SUMF1: variants seen among roughly 807,000 people sequenced by gnomAD.
The protein encoded by SUMF1 is formylglycine-generating enzyme.
Under a neutral mutation model 47.6 loss-of-function variants are expected in SUMF1, and 48 were observed. That is an observed-to-expected ratio of 1.01 (90% confidence interval 0.80 to 1.28). The LOEUF (loss-of-function observed/expected upper bound fraction) is 1.28. SUMF1 is among the 50% of genes most tolerant of loss of function. The pLI is 0.00. For missense variants in SUMF1, 571 were observed against 485.4 expected (o/e 1.18, Z -1.66); for synonymous variants, 230 against 192.1 (o/e 1.20, Z -1.63).
At chr3:4,318,275 G>C (rs895949771) in intron 8 of SUMF1, among the ~76,000 whole-genome samples, 2 of 151,858 alleles carry the variant, frequency 1.3e-5, no homozygotes, top group African/African-American at 4.8e-5. Context: ...TTTATCCCAG[G>C]AAAGCAAGAT....
intron 8 of SUMF1, chr3:4,303,746 C>A (rs183046961): frequency 1.1e-4 from 164 of 1,484,338 alleles, no homozygotes; most frequent in Non-Finnish European, 1.4e-4. Context: ...TCAGTCCATT[C>A]CCTGAAGCGC....
chr3:4,218,638 G>A (rs1352358554), intron 8 of SUMF1, among the ~76,000 whole-genome samples: 2 of 152,160 alleles, frequency 1.3e-5, no homozygotes, highest in Non-Finnish European at 2.9e-5. Flanking sequence ...GTGAATGCGG[G>A]CCAGGCCAGA....
chr3:4,248,404 A>G (rs1287053426), intron 8 of SUMF1, among the ~76,000 whole-genome samples: 1 of 152,206 alleles, frequency 6.6e-6, no homozygotes, highest in Non-Finnish European at 1.5e-5. Context: ...TCAAGACATC[A>G]CTTTTTTGTT....
chr3:4,127,959 T>C (rs1693694081), intron 8 of SUMF1, among the ~76,000 whole-genome samples: 1 of 152,122 alleles, frequency 6.6e-6, no homozygotes, highest in African/African-American at 2.4e-5. Context: ...TCATCGCTCA[T>C]GAAAGGCAAG....
At position 4,042,417 on chromosome 3, in the gene SUMF1, T is replaced by C. The variant is rs142421912; in HGVS notation, c.1191+26152A>G. Among the ~76,000 whole-genome samples the C allele has an allele frequency of 3.4e-4, 51 of 152,214 alleles. 2 individuals carry two copies. The East Asian group carries it at 9.1e-3, about 27-fold the overall frequency. Reference sequence around the variant, plus strand: ...GAGAGGATTCTCATATTCGTATACCTGACAAGAAACACTATCACAATGACT... The same window carrying C: ...GAGAGGATTCTCATATTCGTATACCCGACAAGAAACACTATCACAATGACT... On this transcript the variant is annotated intron_variant and NMD_transcript_variant, in intron 9 of 12. Transcript: ENST00000448413.
At chr3:4,271,465 C>CGA (rs1697299771) in intron 8 of SUMF1, among the ~76,000 whole-genome samples, 2 of 136,016 alleles carry the variant, frequency 1.5e-5, no homozygotes, top group South Asian at 5.0e-4. Flanking sequence ...TTTATACTAT[C>CGA]TATAGATAGA....
intron 8 of SUMF1, among the ~76,000 whole-genome samples, chr3:4,350,001 TC>T (rs1372230369): frequency 6.6e-6 from 1 of 151,658 alleles, no homozygotes; most frequent in African/African-American, 2.4e-5. Context: ...CGTATTATTT[TC>T]TTTTTTTTTT....
intron 8 of SUMF1, among the ~76,000 whole-genome samples, chr3:4,301,327 A>C (rs1322912819): frequency 6.6e-6 from 1 of 152,202 alleles, no homozygotes; most frequent in Admixed American, 6.5e-5. Flanking sequence ...AGCAAAAGAG[A>C]CCAAGGAAAT....
rs60832424 is a variant in SUMF1, at chr3:4,384,892, C to CT, written c.955-8504dup. 9.3e-3 allele frequency among the ~76,000 whole-genome samples: 1,305 copies of CT among 140,838 alleles called. 21 individuals carry two copies. The highest frequency in any genetic ancestry group is 0.029 in the African/African-American group (1,118 of 37,920). 92.4% of individuals were successfully genotyped at this position (140,838 alleles called of 152,430 possible). The stretch of plus-strand genomic sequence containing the variant: ...TACTTCATTTTCTTTTTTCTTTTTT[C>CT]TTTTTTTTTTTGAGAGGGTCTCTCG... On this transcript the variant is annotated intron_variant, in intron 7 of 8. Coordinates refer to ENST00000272902, the MANE Select transcript of SUMF1 (RefSeq NM_182760.4).
chr3:4,178,739 G>A (rs1486588099), intron 8 of SUMF1, among the ~76,000 whole-genome samples: 2 of 152,158 alleles, frequency 1.3e-5, no homozygotes, highest in Non-Finnish European at 2.9e-5. Flanking sequence ...TAGGAAATGA[G>A]GAAGCCAAAT....
chr3:4,390,485 G>T (rs1265413775), intron 7 of SUMF1, among the ~76,000 whole-genome samples: 5 of 152,124 alleles, frequency 3.3e-5, no homozygotes, highest in Admixed American at 3.3e-4. Context: ...TTGCTCCTTT[G>T]GCTAGAGAGA....
At chr3:4,408,834 C>A (rs1701454058) in intron 7 of SUMF1, among the ~76,000 whole-genome samples, 1 of 151,786 alleles carries the variant, frequency 6.6e-6, no homozygotes, top group Non-Finnish European at 1.5e-5. Flanking sequence ...AGCTGGGGGG[C>A]ACCTGTAATC....
chr3:4,410,569 A>G (rs1575187315), intron 7 of SUMF1, among the ~76,000 whole-genome samples: 1 of 152,202 alleles, frequency 6.6e-6, no homozygotes, highest in African/African-American at 2.4e-5. Context: ...TTTATATATC[A>G]TGCATGCTTT....
At position 4,039,208 on chromosome 3, in the gene SUMF1, AATTTTTT is replaced by A. The variant is rs1264597454; in HGVS notation, c.1191+29354_1191+29360del. 2.9e-3 allele frequency among the ~76,000 whole-genome samples: 133 copies of A among 46,194 alleles called. 2 individuals are homozygous for A. The highest frequency in any genetic ancestry group is 7.0e-3 in the Admixed American group (21 of 3,014). 30.3% of individuals were successfully genotyped at this position (46,194 alleles called of 152,430 possible). On this transcript the variant is annotated intron_variant and NMD_transcript_variant, in intron 9 of 12. Transcript: ENST00000448413. ...CAAGCATGCCTGAAACATCTATGCAAATTTTTTTTTTTTTTTTTTTTTTTTTATTATA... is the reference window on the plus strand; with the variant it reads ...CAAGCATGCCTGAAACATCTATGCAATTTTTTTTTTTTTTTTTTTATTATA...
At chr3:4,300,716 GGT>G (rs1697945829) in intron 8 of SUMF1, among the ~76,000 whole-genome samples, 1 of 152,102 alleles carries the variant, frequency 6.6e-6, no homozygotes, top group Admixed American at 6.5e-5. Flanking sequence ...CCTTGAAGTG[GGT>G]GTGAGTGAGA....
At chr3:4,183,646 T>C (rs1311426428) in intron 8 of SUMF1, among the ~76,000 whole-genome samples, 2 of 152,172 alleles carry the variant, frequency 1.3e-5, no homozygotes, top group South Asian at 2.1e-4. Context: ...TAACTCATGA[T>C]GTTAAAGACA....
At chr3:4,419,875 T>C (rs775161529) in intron 4 of SUMF1, among the ~76,000 whole-genome samples, 189 bp downstream of exon 4, 8 of 152,258 alleles carry the variant, frequency 5.3e-5, no homozygotes, top group Non-Finnish European at 8.8e-5. Flanking sequence ...AGCTTTCTTA[T>C]GAGCAAGGTG....
At chr3:4,124,413 G>A (rs188811791) in intron 8 of SUMF1, among the ~76,000 whole-genome samples, 1 of 152,150 alleles carries the variant, frequency 6.6e-6, no homozygotes, top group Non-Finnish European at 1.5e-5. Context: ...ACAGACTGCA[G>A]ATCTTATTAG....
At chr3:4,175,923 G>A (rs776829926) in intron 8 of SUMF1, among the ~76,000 whole-genome samples, 11 of 152,182 alleles carry the variant, frequency 7.2e-5, no homozygotes, top group Admixed American at 2.6e-4. Context: ...TTGATAAAGC[G>A]GAAGAAAGGG....
Sources: allele counts gnomAD v4.1 joint callset (sites outside exome capture counted in the v4.1 genomes callset), GRCh38; gene constraint gnomAD v4.1.1; transcripts MANE v1.5; gene names NCBI Gene and HGNC (gene_info 2026-07-23, HGNC 2026-07-21).